TTC6: variants seen among roughly 807,000 people sequenced by gnomAD.
The protein encoded by TTC6 is tetratricopeptide repeat domain 6.
In TTC6, 172 loss-of-function variants were observed where a neutral mutation model predicts 210.4. The observed-to-expected ratio is 0.82, with a 90% CI of 0.72 to 0.93. The LOEUF is 0.93. Among genes scored for constraint, TTC6 ranks in the 40% least tolerant of loss-of-function variants. The pLI, the probability that TTC6 is intolerant of heterozygous loss-of-function variation, is 0.00. For synonymous variants in TTC6, 804 were observed against 819.6 expected (o/e 0.98, Z 0.32); for missense variants, 2,414 against 2,318.1 (o/e 1.04, Z -0.85).
intron 17 of TTC6, among the ~76,000 whole-genome samples, chr14:37,792,930 A>G (rs907941394): frequency 6.6e-6 from 1 of 152,142 alleles, no homozygotes; most frequent in East Asian, 1.9e-4. Flanking sequence ...CACATTAAAA[A>G]TAAATGTTAT....
intron 14 of TTC6, among the ~76,000 whole-genome samples, chr14:37,783,309 C>T (rs996091605): frequency 2.0e-5 from 3 of 152,046 alleles, no homozygotes; most frequent in African/African-American, 7.2e-5. Flanking sequence ...AATTTCAGAG[C>T]CTGTTATTGG....
intron 1 of TTC6, among the ~76,000 whole-genome samples, chr14:37,671,058 G>A (rs2095757248): frequency 1.3e-5 from 2 of 152,242 alleles, no homozygotes; most frequent in Middle Eastern, 3.4e-3. Context: ...AGTGAATCTA[G>A]GAGCAACTTA....
At position 37,659,427 on chromosome 14, in the gene TTC6, C is replaced by T. The variant is rs118011646; in HGVS notation, c.940-20724C>T. Among the ~76,000 whole-genome samples, 768 of 152,208 alleles carry T rather than the reference C, an allele frequency of 5.0e-3. 6 individuals are homozygous for T. The highest frequency in any genetic ancestry group is 0.041 in the Middle Eastern group (12 of 294). ...CAGTGTATATGTGTTCCTTTTTCTCCACAACCTCTCCAGCATCTGTTATTT... is the reference window on the plus strand; with the variant it reads ...CAGTGTATATGTGTTCCTTTTTCTCTACAACCTCTCCAGCATCTGTTATTT... On this transcript the variant is annotated intron_variant, in intron 1 of 30. Coordinates refer to ENST00000553443, the Ensembl canonical transcript of TTC6.
At chr14:37,807,129 G>A (rs553078262) in intron 22 of TTC6, among the ~76,000 whole-genome samples, 191 bp from the exon 25 acceptor site, 1 of 152,000 alleles carries the variant, frequency 6.6e-6, no homozygotes, top group East Asian at 1.9e-4. Flanking sequence ...CCAGGTGATA[G>A]GTATTTATCA....
At chr14:37,714,555 G>C in intron 5 of TTC6, 100 bp from the exon 8 acceptor site, 1 of 898,792 alleles carries the variant, frequency 1.1e-6, no homozygotes, top group Non-Finnish European at 1.6e-6. Context: ...GATGTCAAAT[G>C]TCCATGTGTT....
At chr14:37,623,313 C>G (rs905964940) in intron 1 of TTC6, among the ~76,000 whole-genome samples, 2 of 152,062 alleles carry the variant, frequency 1.3e-5, no homozygotes, top group African/African-American at 4.8e-5. Context: ...TCAAAGGTTT[C>G]GTGATTATTT....
At chr14:37,783,560 G>C (rs2096060507) in intron 14 of TTC6, among the ~76,000 whole-genome samples, 1 of 151,616 alleles carries the variant, frequency 6.6e-6, no homozygotes, top group Non-Finnish European at 1.5e-5. Context: ...TATCAATTTT[G>C]TTGATGTTTT....
chr14:37,646,344 C>G (rs968687803), intron 1 of TTC6, among the ~76,000 whole-genome samples: 3 of 152,004 alleles, frequency 2.0e-5, no homozygotes, highest in African/African-American at 4.8e-5. Context: ...CAAACCAAAC[C>G]AAACCAAACC....
In TTC6 at chr14:37,760,313, T is replaced by G. The variant is rs183932605; in HGVS notation, c.3266+7078T>G. On this transcript the variant is annotated intron_variant, in intron 14 of 30. Transcript: ENST00000553443. The stretch of plus-strand genomic sequence containing the variant: ...AGGTTCACTTCAGAACCTGTTTGCC[T>G]GGGTATCACCAGTGGAGGCTGCAGA... Among the ~76,000 whole-genome samples, 31 of 152,340 alleles carry G rather than the reference T, an allele frequency of 2.0e-4. No individual in the cohort carries two copies. In the East Asian group the frequency reaches 6.0e-3, roughly 29 times the overall value.
intron 10 of TTC6, among the ~76,000 whole-genome samples, chr14:37,739,709 T>C (rs1214287314): frequency 2.0e-5 from 3 of 152,098 alleles, no homozygotes; most frequent in African/African-American, 4.8e-5. Context: ...CTAAATCAAT[T>C]TGATGGCTAA....
intron 7 of TTC6, among the ~76,000 whole-genome samples, chr14:37,734,759 G>A (rs1284927562): frequency 6.6e-6 from 1 of 151,962 alleles, no homozygotes; most frequent in Non-Finnish European, 1.5e-5. Context: ...GCCCTCTCAA[G>A]ACACCTTAGT....
At chr14:37,837,142 A>G (rs1240040389) in intron 29 of TTC6, among the ~76,000 whole-genome samples, 2 of 152,230 alleles carry the variant, frequency 1.3e-5, no homozygotes, top group Admixed American at 6.5e-5. Flanking sequence ...TATAGGTTTC[A>G]TTTTCTAAGT....
chr14:37,703,515 G>A (rs941881481), intron 5 of TTC6, among the ~76,000 whole-genome samples: 11 of 152,050 alleles, frequency 7.2e-5, no homozygotes, highest in Admixed American at 3.3e-4. Context: ...ACTACCAAGC[G>A]TTCTCAAGAA....
intron 14 of TTC6, among the ~76,000 whole-genome samples, chr14:37,763,707 G>A (rs1000363136): frequency 2.6e-5 from 4 of 151,690 alleles, no homozygotes; most frequent in African/African-American, 7.3e-5. Context: ...CTTCTTAGTC[G>A]GTCTAGCTAA....
chr14:37,615,420 T>G (rs2095641154), intron 2 of TTC6, among the ~76,000 whole-genome samples: 1 of 152,134 alleles, frequency 6.6e-6, no homozygotes, highest in Non-Finnish European at 1.5e-5. Flanking sequence ...GGGATACTAA[T>G]TATCTGAATG....
chr14:37,836,284 C>T (rs1424537215), intron 29 of TTC6, among the ~76,000 whole-genome samples: 3 of 152,190 alleles, frequency 2.0e-5, no homozygotes, highest in East Asian at 3.9e-4. Context: ...GACAATTGCT[C>T]AAAGATCAAT....
Position 37,824,427 on chromosome 14 carries a change from A to T in TTC6, c.4974+470A>T, listed in dbSNP as rs183079306. 2.0e-5 allele frequency among the ~76,000 whole-genome samples: 3 copies of T among 152,274 alleles called. No individual in the cohort carries two copies. The East Asian group carries it at 5.8e-4, about 29-fold the overall frequency. On this transcript the variant is annotated intron_variant, in intron 27 of 30. Transcript: ENST00000553443. ...TTGCAAAGTCCATTTAAAGAGAGGG[A>T]TTTCCAAGGCAGCTAGAGCTGACTG...
intron 10 of TTC6, among the ~76,000 whole-genome samples, chr14:37,746,962 G>T (rs890052788): frequency 6.6e-6 from 1 of 152,070 alleles, no homozygotes. Flanking sequence ...TCTGCTTCTT[G>T]CCTACTAGCT....
intron 3 of TTC6, 37 bp from the exon 6 acceptor site, chr14:37,696,680 A>G: frequency 9.4e-7 from 1 of 1,066,266 alleles, no homozygotes; most frequent in Non-Finnish European, 1.3e-6. Flanking sequence ...CTCATGTTAC[A>G]TCTTCTCTTA....
Sources: allele counts gnomAD v4.1 joint callset (sites outside exome capture counted in the v4.1 genomes callset), GRCh38; gene constraint gnomAD v4.1.1; transcripts MANE v1.5; gene names NCBI Gene and HGNC (gene_info 2026-07-23, HGNC 2026-07-21).